The following TMTC4 variants were observed in gnomAD, a reference collection of about 807,000 sequenced individuals.
TMTC4 encodes the protein protein O-mannosyl-transferase TMTC4.
TMTC4 carries 65 observed loss-of-function variants against 86.0 expected under a neutral mutation model. The observed-to-expected ratio is 0.76, with a 90% CI of 0.62 to 0.93. The LOEUF (loss-of-function observed/expected upper bound fraction) is 0.93, where lower values mean the gene tolerates loss of function less well. TMTC4 is among the 40% of genes least tolerant of loss of function. TMTC4 has a pLI of 0.00. For missense variants in TMTC4, 866 were observed against 948.1 expected (o/e 0.91, Z 1.14); for synonymous variants, 379 against 382.5 (o/e 0.99, Z 0.11).
Position 100,674,764 on chromosome 13 carries a change from G to C in TMTC4, c.-228C>G. 4.1e-6 allele frequency: 4 copies of C among 983,736 alleles called. No individual in the cohort carries two copies. The highest frequency in any genetic ancestry group is 4.8e-6 in the Non-Finnish European group (4 of 829,300). 60.9% of individuals were successfully genotyped at this position (983,736 alleles called of 1,614,324 possible). A position where few individuals can be genotyped will look rare whatever the true frequency, so the allele number is the denominator to read the frequency against. ...GTTACCTGCAAGGAGCCTGAGCCCCGGCCGCATCTCCCTCCCGGGTGCGGA... is the reference window on the plus strand; with the variant it reads ...GTTACCTGCAAGGAGCCTGAGCCCCCGCCGCATCTCCCTCCCGGGTGCGGA... On this transcript the variant is annotated 5_prime_UTR_variant, in exon 1 of 19. Transcript: ENST00000342624.
rs1156310915 is a variant in TMTC4, at chr13:100,636,498, AG to A, written c.1202+33del. 3 of 1,611,806 alleles carry A rather than the reference AG, an allele frequency of 1.9e-6. No individual in the cohort carries two copies. The African/African-American group carries it at 4.0e-5, about 22-fold the overall frequency. ...TTCACAAAACGCTTCTGACTCAACC[AG>A]CGTGGAACTTAAGATTCAGTGCTGC... On this transcript the variant is annotated intron_variant, in intron 10 of 18. Transcript: ENST00000342624.
chr13:100,621,647 G>A (rs916885469), intron 15 of TMTC4, among the ~76,000 whole-genome samples: 7 of 152,116 alleles, frequency 4.6e-5, no homozygotes, highest in Non-Finnish European at 1.0e-4. Context: ...GGATGGTCTC[G>A]ATCTCCTGAC....
intron 5 of TMTC4, among the ~76,000 whole-genome samples, chr13:100,662,390 T>C (rs1322007246): frequency 1.3e-5 from 2 of 151,852 alleles, no homozygotes; most frequent in Non-Finnish European, 2.9e-5. Flanking sequence ...CGACATCCAC[T>C]TGCTCCTCAC....
Position 100,634,952 on chromosome 13 carries a change from A to T in TMTC4, c.1375-16T>A. ...CAATGAGTTTCTTAAGAACAGAAAG[A>T]CATGGTAATTGTCACCAGTGAGATG... On this transcript the variant is annotated splice_polypyrimidine_tract_variant and intron_variant, in intron 11 of 18. Transcript: ENST00000342624. 6.2e-7 allele frequency: 1 copy of T among 1,613,228 alleles called. No homozygotes were observed. The highest frequency in any genetic ancestry group is 1.3e-5 in the African/African-American group (1 of 75,020).
intron 2 of TMTC4, among the ~76,000 whole-genome samples, chr13:100,669,006 C>G (rs1175318826): frequency 6.6e-6 from 1 of 152,198 alleles, no homozygotes; most frequent in South Asian, 2.1e-4. Flanking sequence ...CAGGATCTAT[C>G]AAATCAGATG....
At chr13:100,621,670 T>C (rs1358406354) in intron 15 of TMTC4, among the ~76,000 whole-genome samples, 1 of 152,104 alleles carries the variant, frequency 6.6e-6, no homozygotes, top group African/African-American at 2.4e-5. Context: ...TGTGATCCAC[T>C]CGCCTCGGCC....
chr13:100,617,987 C>A (rs1031236790), intron 15 of TMTC4, among the ~76,000 whole-genome samples: 1 of 152,144 alleles, frequency 6.6e-6, no homozygotes, highest in African/African-American at 2.4e-5. Context: ...TTTTTCCACT[C>A]GTTTGTGTCA....
In TMTC4 at chr13:100,658,350, G is replaced by A. The variant is rs191796082; in HGVS notation, c.553-1882C>T. 3.9e-5 allele frequency among the ~76,000 whole-genome samples: 6 copies of A among 152,266 alleles called. No individual in the cohort carries two copies. In the East Asian group the frequency reaches 1.2e-3, roughly 29 times the overall value. The stretch of plus-strand genomic sequence containing the variant: ...CCGGGTGAGTGAGGAGGCAGCTGGT[G>A]CATCCTGGCTTTGTGGTCCTCACGC... On this transcript the variant is annotated intron_variant, in intron 5 of 18. Transcript: ENST00000342624.
chr13:100,636,444 C>T, intron 10 of TMTC4, 88 bp downstream of exon 10: 1 of 1,496,306 alleles, frequency 6.7e-7, no homozygotes, highest in Non-Finnish European at 9.2e-7. Context: ...GTGACTTCCA[C>T]AAAATCATAA....
chr13:100,673,797 T>C (rs965075221), intron 1 of TMTC4, among the ~76,000 whole-genome samples: 3 of 152,232 alleles, frequency 2.0e-5, no homozygotes, highest in Middle Eastern at 3.4e-3. Flanking sequence ...CTAGGTGCAC[T>C]GGCCGTGATT....
At position 100,623,829 on chromosome 13, in the gene TMTC4, C is replaced by T. The variant is rs577640407; in HGVS notation, c.1836+1706G>A. The T allele has an allele frequency of 1.2e-4, 53 of 440,872 alleles. 1 individual carries two copies. The Middle Eastern group carries it at 8.1e-3, about 68-fold the overall frequency. 27.3% of individuals were successfully genotyped at this position (440,872 alleles called of 1,614,324 possible). ...GGCATTGCTGGGTCTTGCCTTTGTGCGGCCAAAACCAGATGACAGCACTGT... is the reference window on the plus strand; with the variant it reads ...GGCATTGCTGGGTCTTGCCTTTGTGTGGCCAAAACCAGATGACAGCACTGT... On this transcript the variant is annotated intron_variant, in intron 15 of 18. Coordinates refer to ENST00000342624, the MANE Select transcript of TMTC4 (RefSeq NM_032813.5).
intron 6 of TMTC4, among the ~76,000 whole-genome samples, chr13:100,645,366 C>A (rs1883584139): frequency 6.6e-6 from 1 of 152,210 alleles, no homozygotes. Flanking sequence ...TTAAATGTCA[C>A]TTATGCTGTG....
chr13:100,635,054 G>A lies in TMTC4; in HGVS notation c.1344C>T (p.Phe448=), dbSNP rs780069168. ...VGYCVLLTFG[F]GALSKHTKKK... is the part of the protein sequence containing the mutation. ...TCTTGGTATGTTTGCTCAGGGCTCC[G>A]AATCCAAAAGTCAGCAGCACACAGT... Residue 448 remains phenylalanine (F), a synonymous_variant, in exon 11 of 19, where the codon TTC becomes TTT. Coordinates refer to ENST00000342624, the MANE Select transcript of TMTC4 (RefSeq NM_032813.5). 21 of 1,612,868 alleles carry A rather than the reference G, an allele frequency of 1.3e-5. No individual in the cohort carries two copies. The highest frequency in any genetic ancestry group is 6.7e-5 in the East Asian group (3 of 44,882).
chr13:100,674,233 AGGCGCTCGCGGCGCGGCGGG>A, intron 1 of TMTC4: 27 of 980,324 alleles, frequency 2.8e-5, no homozygotes, highest in Non-Finnish European at 3.3e-5. Flanking sequence ...GTGGAGTAGC[AGGCGCTCGCGGCGCGGCGGG>A]GGAGCCGCCG....
chr13:100,604,151 A>G lies in TMTC4; in HGVS notation c.*843T>C, dbSNP rs1021625449. 23 of 152,792 alleles carry G rather than the reference A, an allele frequency of 1.5e-4. No individual in the cohort carries two copies. The highest frequency in any genetic ancestry group is 5.5e-4 in the African/African-American group (23 of 41,590). The allele number at this position is 152,792 out of a possible 1,614,324, so 9.5% of individuals were successfully genotyped here. A position where few individuals can be genotyped will look rare whatever the true frequency, so the allele number is the denominator to read the frequency against. ...CTGGATAATGTCTGTAGTTACATTA[A>G]GCAAAATGGAAAACGGCCTTCAGAT... On this transcript the variant is annotated 3_prime_UTR_variant, in exon 19 of 19. Transcript: ENST00000342624.
intron 5 of TMTC4, 73 bp from the exon 6 acceptor site, chr13:100,656,541 A>AATT: frequency 3.9e-5 from 18 of 462,882 alleles, no homozygotes; most frequent in Middle Eastern, 4.0e-4. Flanking sequence ...AGGAGACATA[A>AATT]CTTTTTTTTT....
chr13:100,667,351 C>T (rs1270704345), intron 3 of TMTC4, among the ~76,000 whole-genome samples: 1 of 152,090 alleles, frequency 6.6e-6, no homozygotes, highest in African/African-American at 2.4e-5. Flanking sequence ...ATTGCTTGAA[C>T]CCCGGAGGCA....
Position 100,606,437 on chromosome 13 carries a change from G to T in TMTC4, c.2065-10C>A. 6.2e-7 allele frequency: 1 copy of T among 1,606,894 alleles called. No individual in the cohort carries two copies. The highest frequency in any genetic ancestry group is 1.1e-5 in the South Asian group (1 of 89,722). On this transcript the variant is annotated splice_polypyrimidine_tract_variant and intron_variant, in intron 17 of 18. Coordinates refer to ENST00000342624, the MANE Select transcript of TMTC4 (RefSeq NM_032813.5). ...ATAAAGCTTCAGATTCCTAAAAAAT[G>T]AGAAACATAAAAAGGAAGATATTTA...
rs142707952 is a variant in TMTC4 at position 100,634,472 on chromosome 13, C to T, written c.1506+333G>A. On this transcript the variant is annotated intron_variant, in intron 12 of 18. Coordinates refer to ENST00000342624, the MANE Select transcript of TMTC4 (RefSeq NM_032813.5). Reference sequence around the variant, plus strand: ...TCTAGACATCAGAATCTGTGCCGTGCCCACCCTCAGTCTGAATACGCAATG... The same window carrying T: ...TCTAGACATCAGAATCTGTGCCGTGTCCACCCTCAGTCTGAATACGCAATG... 4.0e-3 allele frequency among the ~76,000 whole-genome samples: 605 copies of T among 152,178 alleles called. 9 individuals carry two copies. The highest frequency in any genetic ancestry group is 0.014 in the African/African-American group (579 of 41,512).
Sources: allele counts gnomAD v4.1 joint callset (sites outside exome capture counted in the v4.1 genomes callset), GRCh38; gene constraint gnomAD v4.1.1; transcripts MANE v1.5; gene names NCBI Gene and HGNC (gene_info 2026-07-23, HGNC 2026-07-21).